Variants in GPC6 observed in about 807,000 individuals in gnomAD.
GPC6 encodes glypican 6, also known as glypican-6.
In GPC6, 14 loss-of-function variants were observed where a neutral mutation model predicts 55.2. The observed-to-expected ratio is 0.25, with a 90% confidence interval of 0.17 to 0.40. The LOEUF is 0.40. Ranked by LOEUF, GPC6 falls within the 10% of genes least tolerant of loss-of-function variation. The pLI is 1.00. For synonymous variants in GPC6, 278 were observed against 259.6 expected (o/e 1.07, Z -0.68); for missense variants, 641 against 708.5 (o/e 0.90, Z 1.08).
At chr13:93,725,252 G>T (rs567093072) in intron 2 of GPC6, among the ~76,000 whole-genome samples, 1 of 152,076 alleles carries the variant, frequency 6.6e-6, no homozygotes, top group East Asian at 1.9e-4. Flanking sequence ...TAGTGTTTTT[G>T]CTGTTTTTTA....
rs66957373 is a variant in GPC6 at position 93,561,404 on chromosome 13, G to GATATATATATATAT, written c.319+15992_319+16005dup. On this transcript the variant is annotated intron_variant, in intron 2 of 8. Transcript: ENST00000377047. The stretch of plus-strand genomic sequence containing the variant: ...AATAATTGCATACTATATCCCTATC[G>GATATATATATATAT]ATATATATATATATATATATATTTG... 1.5e-3 allele frequency among the ~76,000 whole-genome samples: 161 copies of GATATATATATATAT among 104,678 alleles called. 5 individuals carry two copies. The highest frequency in any genetic ancestry group is 2.5e-3 in the Non-Finnish European group (122 of 49,610). 68.7% of individuals were successfully genotyped at this position (104,678 alleles called of 152,430 possible).
chr13:93,629,665 C>A (rs908253587), intron 2 of GPC6, among the ~76,000 whole-genome samples: 6 of 152,122 alleles, frequency 3.9e-5, no homozygotes, highest in Non-Finnish European at 7.4e-5. Flanking sequence ...TGTCCAAAGA[C>A]CCCAACTGAT....
At chr13:93,486,812 G>A (rs9524088) in intron 1 of GPC6, among the ~76,000 whole-genome samples, 19,513 of 151,942 alleles carry the variant, frequency 0.13, 1,492 homozygotes, top group East Asian at 0.29. Flanking sequence ...GGGTGTGGTG[G>A]CATGCGCCTG....
intron 1 of GPC6, among the ~76,000 whole-genome samples, chr13:93,354,839 A>G (rs1161378385): frequency 6.6e-6 from 1 of 152,108 alleles, no homozygotes; most frequent in East Asian, 1.9e-4. Flanking sequence ...GGACAAAGAG[A>G]TCCCAGGAGG....
intron 4 of GPC6, among the ~76,000 whole-genome samples, chr13:94,145,596 T>C (rs1887534508): frequency 6.6e-6 from 1 of 152,186 alleles, no homozygotes; most frequent in African/African-American, 2.4e-5. Flanking sequence ...GTAAGCTTTG[T>C]ATATATGAGA....
At chr13:93,616,480 G>A (rs1334487370) in intron 2 of GPC6, among the ~76,000 whole-genome samples, 2 of 152,050 alleles carry the variant, frequency 1.3e-5, no homozygotes, top group Non-Finnish European at 2.9e-5. Context: ...AACACATCTG[G>A]TAGAAAAATC....
chr13:94,199,778 A>G (rs947309899), intron 4 of GPC6, among the ~76,000 whole-genome samples: 7 of 152,144 alleles, frequency 4.6e-5, no homozygotes, highest in African/African-American at 1.4e-4. Flanking sequence ...TGCTCAATTA[A>G]TGTTCCCTTC....
intron 4 of GPC6, among the ~76,000 whole-genome samples, chr13:94,281,729 TA>T (rs1695662168): frequency 6.6e-6 from 1 of 152,310 alleles, no homozygotes; most frequent in Admixed American, 6.5e-5. Flanking sequence ...TCACTCTTCA[TA>T]AAGTCAATAC....
intron 2 of GPC6, among the ~76,000 whole-genome samples, chr13:93,706,805 C>T (rs1015902309): frequency 6.6e-6 from 1 of 151,874 alleles, no homozygotes; most frequent in Non-Finnish European, 1.5e-5. Flanking sequence ...CCATGCAGCT[C>T]TTGCTCTTGA....
At chr13:93,894,734 C>A (rs969970281) in intron 3 of GPC6, among the ~76,000 whole-genome samples, 1 of 151,986 alleles carries the variant, frequency 6.6e-6, no homozygotes, top group Non-Finnish European at 1.5e-5. Context: ...ATTGCAGTTT[C>A]ATAGGTTGGG....
intron 2 of GPC6, among the ~76,000 whole-genome samples, chr13:93,693,712 C>T (rs1051523918): frequency 1.3e-5 from 2 of 152,060 alleles, no homozygotes; most frequent in Admixed American, 6.6e-5. Context: ...GTCTTAAACT[C>T]CTGGGTTCAA....
At chr13:94,056,847 A>C (rs975252970) in intron 4 of GPC6, among the ~76,000 whole-genome samples, 1 of 152,222 alleles carries the variant, frequency 6.6e-6, no homozygotes, top group Non-Finnish European at 1.5e-5. Flanking sequence ...ACTTTCATCC[A>C]ATGACATTAT....
At chr13:94,169,405 CAG>C (rs2138926732) in intron 4 of GPC6, among the ~76,000 whole-genome samples, 1 of 152,222 alleles carries the variant, frequency 6.6e-6, no homozygotes, top group East Asian at 1.9e-4. Context: ...GTACAGTAAT[CAG>C]GGGTGGTATT....
chr13:93,363,083 G>GT (rs1403764737), intron 1 of GPC6, among the ~76,000 whole-genome samples: 1 of 145,900 alleles, frequency 6.9e-6, no homozygotes, highest in Non-Finnish European at 1.5e-5. Flanking sequence ...ATGTCAGTAG[G>GT]TTTTGTGTCT....
chr13:93,906,823 G>C (rs982176612), intron 3 of GPC6, among the ~76,000 whole-genome samples: 9 of 152,184 alleles, frequency 5.9e-5, no homozygotes, highest in African/African-American at 2.2e-4. Context: ...GAATGAAAAA[G>C]ATGAAGGATT....
At chr13:93,286,825 C>T (rs1209627786) in intron 1 of GPC6, among the ~76,000 whole-genome samples, 1 of 151,940 alleles carries the variant, frequency 6.6e-6, no homozygotes, top group South Asian at 2.1e-4. Flanking sequence ...TTCCTTCTTT[C>T]CTGATGCTGT....
chr13:93,221,784 C>T, the GPC6 span, among the ~76,000 whole-genome samples: 3 of 152,236 alleles, frequency 2.0e-5, no homozygotes, highest in Non-Finnish European at 2.9e-5. Context: ...TCATTACAGG[C>T]CCTGTTTTTC....
At chr13:93,380,317 A>G (rs569255499) in intron 1 of GPC6, among the ~76,000 whole-genome samples, 5 of 152,170 alleles carry the variant, frequency 3.3e-5, no homozygotes, top group Admixed American at 6.5e-5. Flanking sequence ...AAATGCATTG[A>G]TGACCAAGGA....
At chr13:94,235,073 T>A (rs897578352) in intron 4 of GPC6, among the ~76,000 whole-genome samples, 2 of 152,046 alleles carry the variant, frequency 1.3e-5, no homozygotes, top group African/African-American at 4.8e-5. Flanking sequence ...ATGCTTAAAA[T>A]TGTTAAGGGA....
Sources: gnomAD v4.1 joint callset for allele counts (sites outside exome capture counted in the v4.1 genomes callset) on GRCh38, gnomAD v4.1.1 for gene constraint, MANE v1.5 for transcripts, NCBI Gene and HGNC (gene_info 2026-07-23, HGNC 2026-07-21) for gene names.